Variants in UNC13C observed in about 807,000 individuals in gnomAD.
UNC13C encodes protein unc-13 homolog C.
In UNC13C, 174 loss-of-function variants were observed where a neutral mutation model predicts 245.4. The ratio of observed to expected loss-of-function variants is 0.71; its 90% CI spans 0.63 to 0.80. The LOEUF (loss-of-function observed/expected upper bound fraction) is 0.80, where lower values mean the gene tolerates loss of function less well. Ranked by LOEUF, UNC13C falls within the 30% of genes least tolerant of loss-of-function variation. The pLI, the probability that UNC13C is intolerant of heterozygous loss-of-function variation, is 0.00. For missense variants in UNC13C, 2,829 were observed against 2,602.9 expected (o/e 1.09, Z -1.89); for synonymous variants, 992 against 895.1 (o/e 1.11, Z -1.93).
intron 4 of UNC13C, among the ~76,000 whole-genome samples, chr15:54,166,740 T>TA (rs2033175261): frequency 6.6e-6 from 1 of 152,208 alleles, no homozygotes; most frequent in Non-Finnish European, 1.5e-5. Flanking sequence ...TTTCATATAA[T>TA]TGTATCACAA....
At chr15:53,932,647 A>C in the UNC13C span, among the ~76,000 whole-genome samples, 1 of 151,894 alleles carries the variant, frequency 6.6e-6, no homozygotes, top group Non-Finnish European at 1.5e-5. Flanking sequence ...CTTTCTTCTG[A>C]GTTTCTTTTT....
At position 54,264,251 on chromosome 15, in the gene UNC13C, A is replaced by G. The variant is rs761729254; in HGVS notation, c.3532A>G (p.Arg1178Gly). The G allele has an allele frequency of 4.4e-6, 7 of 1,598,362 alleles. No homozygotes were observed. The highest frequency in any genetic ancestry group is 5.1e-6 in the Non-Finnish European group (6 of 1,171,856). The change falls in exon 9 of 33, where the codon AGG becomes GGG. Residue 1178 changes from arginine to glycine, a missense_variant. Physicochemically the swap from Arg to Gly is moderately radical, Grantham distance 125. Transcript: ENST00000260323. ...AGCAATGAAAGAAAGAATGAAGATC[A>G]GGGAGAAAAACCGGCCAGAAGTATT... ...ITAMKERMKIREKNRPEVFEV... is the reference protein window; with the variant it reads ...ITAMKERMKIGEKNRPEVFEV...
At chr15:54,379,279 A>G (rs769730701) in intron 17 of UNC13C, among the ~76,000 whole-genome samples, 1 of 152,130 alleles carries the variant, frequency 6.6e-6, no homozygotes, top group East Asian at 1.9e-4. Flanking sequence ...CTAGTAAACT[A>G]TTCCACTTCC....
intron 2 of UNC13C, among the ~76,000 whole-genome samples, chr15:54,087,942 G>C (rs2141130279): frequency 6.6e-6 from 1 of 152,088 alleles, no homozygotes; most frequent in Admixed American, 6.5e-5. Flanking sequence ...CTATTGTTTA[G>C]AACAAAACTA....
chr15:54,369,608 C>G (rs1182010471), intron 17 of UNC13C, among the ~76,000 whole-genome samples: 1 of 152,062 alleles, frequency 6.6e-6, no homozygotes, highest in Non-Finnish European at 1.5e-5. Context: ...AAAACATAGC[C>G]TAACTTTAGT....
rs1386980910 is a variant in UNC13C, at chr15:54,628,311, G to GTAAT, written c.*1201_*1204dup. ...ATATATGGCTGTAAAACAGTACTTT[G>GTAAT]TAATTATAACTTATGGTCATAACTG... On this transcript the variant is annotated 3_prime_UTR_variant, in exon 33 of 33. Coordinates refer to ENST00000260323, the MANE Select transcript of UNC13C (RefSeq NM_001080534.3). 2 of 152,318 alleles carry GTAAT rather than the reference G, an allele frequency of 1.3e-5. No individual in the cohort carries two copies. Among genetic ancestry groups the GTAAT allele is most frequent in the Non-Finnish European group, 2.9e-5 (2 of 68,008 alleles). 9.4% of individuals were successfully genotyped at this position (152,318 alleles called of 1,614,324 possible). A position where few individuals can be genotyped will look rare whatever the true frequency, so the allele number is the denominator to read the frequency against.
intron 18 of UNC13C, among the ~76,000 whole-genome samples, chr15:54,413,310 T>A (rs2040451275): frequency 6.6e-6 from 1 of 152,038 alleles, no homozygotes; most frequent in Non-Finnish European, 1.5e-5. Context: ...ATCTTATTCT[T>A]GATTCAAATA....
At chr15:54,370,397 A>G (rs1226328445) in intron 17 of UNC13C, among the ~76,000 whole-genome samples, 1 of 152,170 alleles carries the variant, frequency 6.6e-6, no homozygotes, top group Non-Finnish European at 1.5e-5. Context: ...ATAATGAAAT[A>G]TAGACATTTA....
chr15:54,489,947 G>A (rs955133074), intron 19 of UNC13C, among the ~76,000 whole-genome samples: 13 of 152,104 alleles, frequency 8.5e-5, no homozygotes. Context: ...CAGCTGAAGT[G>A]CATAATGCAT....
chr15:53,848,947 A>T, the UNC13C span, among the ~76,000 whole-genome samples: 3 of 152,046 alleles, frequency 2.0e-5, no homozygotes, highest in Admixed American at 6.6e-5. Flanking sequence ...TCATATTAAG[A>T]ACAACACCAG....
At chr15:54,218,876 G>A (rs1324475590) in intron 4 of UNC13C, among the ~76,000 whole-genome samples, 1 of 151,954 alleles carries the variant, frequency 6.6e-6, no homozygotes, top group Non-Finnish European at 1.5e-5. Flanking sequence ...ATAAAAAATA[G>A]AAATGCATCT....
the UNC13C span, among the ~76,000 whole-genome samples, chr15:53,934,215 C>T: frequency 6.6e-6 from 1 of 152,148 alleles, no homozygotes; most frequent in African/African-American, 2.4e-5. Flanking sequence ...AATCTGCCCC[C>T]ATGATCCAGT....
chr15:53,989,068 A>G (rs1302226712), intron 1 of UNC13C, among the ~76,000 whole-genome samples: 1 of 152,002 alleles, frequency 6.6e-6, no homozygotes, highest in East Asian at 1.9e-4. Context: ...TAGTGGGCTC[A>G]TAAAAGATTC....
At chr15:54,285,127 T>C (rs2037108695) in intron 10 of UNC13C, among the ~76,000 whole-genome samples, 1 of 152,302 alleles carries the variant, frequency 6.6e-6, no homozygotes, top group Non-Finnish European at 1.5e-5. Flanking sequence ...CCAAAAGTCA[T>C]GCTAATAATA....
chr15:54,255,666 C>A lies in UNC13C; in HGVS notation c.3448+5222C>A, dbSNP rs759985429. ...TTATAGGCACAGGATGGGGGCGTGG[C>A]AGGCCAGGGTTTCTTGGGAAATGCA... On this transcript the variant is annotated intron_variant, in intron 8 of 32. Transcript: ENST00000260323. 1.4e-3 allele frequency among the ~76,000 whole-genome samples: 144 copies of A among 100,052 alleles called. 1 individual carries two copies. Among genetic ancestry groups the A allele is most frequent in the Non-Finnish European group, 2.2e-3 (122 of 54,722 alleles). The allele number at this position is 100,052 out of a possible 152,430, so 65.6% of individuals were successfully genotyped here. A position where few individuals can be genotyped will look rare whatever the true frequency, so the allele number is the denominator to read the frequency against.
intron 2 of UNC13C, among the ~76,000 whole-genome samples, chr15:54,057,479 C>T (rs1595782708): frequency 1.3e-5 from 2 of 151,392 alleles, no homozygotes; most frequent in Non-Finnish European, 2.9e-5. Context: ...GAGTGACCTA[C>T]AAAGAGACTT....
intron 2 of UNC13C, among the ~76,000 whole-genome samples, chr15:54,025,863 G>T (rs1044214440): frequency 2.0e-5 from 3 of 152,118 alleles, no homozygotes; most frequent in Non-Finnish European, 4.4e-5. Flanking sequence ...ATTGTTGACC[G>T]CATATAATCA....
At chr15:53,854,284 C>A in the UNC13C span, among the ~76,000 whole-genome samples, 1,557 of 152,076 alleles carry the variant, frequency 0.01, 13 homozygotes, top group Middle Eastern at 0.048. Context: ...CCATGCCTGG[C>A]TAATTTTTGC....
chr15:54,219,471 T>C (rs1479045057), intron 4 of UNC13C, among the ~76,000 whole-genome samples: 4 of 151,792 alleles, frequency 2.6e-5, no homozygotes, highest in South Asian at 2.1e-4. Flanking sequence ...AAGACTTAAA[T>C]GTTAGACCTA....
Sources: gnomAD v4.1 joint callset for allele counts (sites outside exome capture counted in the v4.1 genomes callset) on GRCh38, gnomAD v4.1.1 for gene constraint, MANE v1.5 for transcripts, NCBI Gene and HGNC (gene_info 2026-07-23, HGNC 2026-07-21) for gene names.